GRM4: variants seen among roughly 807,000 people sequenced by gnomAD.
GRM4 encodes the protein metabotropic glutamate receptor 4.
In GRM4, 28 loss-of-function variants were observed where a neutral mutation model predicts 81.7. That is an observed-to-expected ratio of 0.34 (90% CI 0.25 to 0.47). GRM4 has a LOEUF of 0.47. GRM4 is among the 20% of genes least tolerant of loss of function. The pLI is 1.00. For missense variants in GRM4, 948 were observed against 1,290.0 expected, an observed-to-expected ratio of 0.73 and a Z score of 4.06; for synonymous variants, 488 against 528.8, an observed-to-expected ratio of 0.92 and a Z score of 1.06.
At chr6:34,099,916 G>A (rs766567702) in intron 2 of GRM4, 47 of 282,918 alleles carry the variant, frequency 1.7e-4, no homozygotes, top group Middle Eastern at 1.8e-3. Context: ...CCCAACACCC[G>A]CCAGAGCCAT....
intron 2 of GRM4, among the ~76,000 whole-genome samples, chr6:34,124,480 G>A (rs936696122): frequency 2.0e-5 from 3 of 152,152 alleles, no homozygotes; most frequent in Non-Finnish European, 4.4e-5. Context: ...ACTGCCTGCC[G>A]TCTCCCTCCA....
At chr6:34,104,131 G>A (rs1768998542) in intron 2 of GRM4, among the ~76,000 whole-genome samples, 1 of 152,258 alleles carries the variant, frequency 6.6e-6, no homozygotes, top group Non-Finnish European at 1.5e-5. Context: ...CCACAGTGCT[G>A]TCTGTGGGCC....
chr6:34,030,238 G>C (rs1241391625), intron 9 of GRM4, among the ~76,000 whole-genome samples: 1 of 152,250 alleles, frequency 6.6e-6, no homozygotes, highest in Non-Finnish European at 1.5e-5. Flanking sequence ...GAGACTAGGA[G>C]TTCCCTAGGG....
At chr6:34,103,473 G>A (rs367809002) in intron 2 of GRM4, 70 of 829,962 alleles carry the variant, frequency 8.4e-5, no homozygotes, top group Non-Finnish European at 1.2e-4. Context: ...AGATAAGAGC[G>A]CCCGAGAGAG....
At chr6:34,104,104 G>C (rs1205395245) in intron 2 of GRM4, among the ~76,000 whole-genome samples, 1 of 152,272 alleles carries the variant, frequency 6.6e-6, no homozygotes, top group Non-Finnish European at 1.5e-5. Context: ...CCAATGGCAA[G>C]CCAGGCTTCC....
intron 6 of GRM4, among the ~76,000 whole-genome samples, chr6:34,053,683 G>A (rs1349805651): frequency 6.6e-6 from 1 of 152,212 alleles, no homozygotes; most frequent in Admixed American, 6.5e-5. Flanking sequence ...CCAAGCCAGA[G>A]GCTCGCAAAC....
At chr6:34,149,451 G>A (rs1029646248), upstream of GRM4, among the ~76,000 whole-genome samples, 1 of 152,236 alleles carries the variant, frequency 6.6e-6, no homozygotes, top group Non-Finnish European at 1.5e-5. Context: ...TGACTGCAAA[G>A]AGAATGCAGT....
intron 1 of GRM4, among the ~76,000 whole-genome samples, chr6:34,137,426 C>A (rs968849847): frequency 6.6e-6 from 1 of 152,200 alleles, no homozygotes; most frequent in African/African-American, 2.4e-5. Flanking sequence ...GTAAGGGGAG[C>A]TGGTGGGGGA....
At chr6:34,155,442 T>G in exon 1 of GRM4, 4 of 1,258,990 alleles carry the variant, frequency 3.2e-6, no homozygotes, top group South Asian at 1.5e-5. Flanking sequence ...GGCCGGCGGT[T>G]CGCAACCTCG....
intron 1 of GRM4, among the ~76,000 whole-genome samples, chr6:34,143,254 C>T (rs926261010): frequency 6.6e-6 from 1 of 152,186 alleles, no homozygotes; most frequent in African/African-American, 2.4e-5. Flanking sequence ...TCACGCCCAG[C>T]CCAGTGCTGA....
chr6:34,128,379 C>CT (rs547672333), intron 2 of GRM4, among the ~76,000 whole-genome samples: 3,914 of 132,660 alleles, frequency 0.03, 117 homozygotes, highest in African/African-American at 0.072. Flanking sequence ...TTTTTCTTTT[C>CT]TTTTTTTTTT....
chr6:34,031,951 GCTCT>G (rs61457652), intron 9 of GRM4, among the ~76,000 whole-genome samples: 1,724 of 148,862 alleles, frequency 0.012, 17 homozygotes, highest in East Asian at 0.024. Context: ...ACTCAGCTGG[GCTCT>G]CTCTCTCTCT....
At chr6:34,154,785 T>G (rs572889595) in intron 1 of GRM4, among the ~76,000 whole-genome samples, 88 of 152,234 alleles carry the variant, frequency 5.8e-4, no homozygotes, top group African/African-American at 1.8e-3. Flanking sequence ...TGCGCCGGCC[T>G]CCTCAGGATG....
intron 6 of GRM4, among the ~76,000 whole-genome samples, chr6:34,049,223 C>T (rs1156490549): frequency 6.6e-6 from 1 of 152,080 alleles, no homozygotes; most frequent in Non-Finnish European, 1.5e-5. Context: ...TTGTGGAGGT[C>T]ACAATCGCCC....
intron 2 of GRM4, among the ~76,000 whole-genome samples, chr6:34,122,698 C>G (rs905790943): frequency 6.6e-6 from 1 of 151,848 alleles, no homozygotes; most frequent in South Asian, 2.1e-4. Context: ...CAGTTCCACA[C>G]CAAGGCCCCG....
intron 3 of GRM4, among the ~76,000 whole-genome samples, chr6:34,085,357 G>A (rs561238698): frequency 1.3e-5 from 2 of 152,326 alleles, no homozygotes; most frequent in African/African-American, 2.4e-5. Context: ...TTCACCTGAC[G>A]CAGCTGCTGA....
At chr6:34,063,570 C>T (rs1766291975) in intron 3 of GRM4, 1 of 152,452 alleles carries the variant, frequency 6.6e-6, no homozygotes, top group Admixed American at 6.5e-5. Flanking sequence ...CACACACACA[C>T]ACAGCTCCTC....
rs1416728164 is a variant in GRM4 at position 34,062,006 on chromosome 6, C to T, written c.759G>A (p.Ser253=). ...CCTTGGGCTCCCGTGGTATCTTCACCGACTGGGCGATGCACACGCCCCCTG... is the reference window on the plus strand; with the variant it reads ...CCTTGGGCTCCCGTGGTATCTTCACTGACTGGGCGATGCACACGCCCCCTG... ...REDGGVCIAQ[S]VKIPREPKAG... is the part of the protein sequence containing the mutation. The change falls in exon 4 of 11, where the codon TCG becomes TCA. Residue 253 remains serine, a synonymous_variant. Transcript: ENST00000538487. 5.0e-6 allele frequency: 8 copies of T among 1,613,332 alleles called. No homozygotes were observed. The highest frequency in any genetic ancestry group is 4.0e-5 in the African/African-American group (3 of 75,056).
chr6:34,093,785 C>T (rs1159105859), intron 2 of GRM4, among the ~76,000 whole-genome samples: 1 of 152,226 alleles, frequency 6.6e-6, no homozygotes, highest in African/African-American at 2.4e-5. Flanking sequence ...CTGGCCCGCT[C>T]TCCGCCTCCC....
Sources: allele counts gnomAD v4.1 joint callset (sites outside exome capture counted in the v4.1 genomes callset), GRCh38; gene constraint gnomAD v4.1.1; transcripts MANE v1.5; gene names NCBI Gene and HGNC (gene_info 2026-07-23, HGNC 2026-07-21).